CFAP54: variants seen among roughly 807,000 people sequenced by gnomAD.
The protein encoded by CFAP54 is cilia and flagella associated protein 54, also known as cilia- and flagella-associated protein 54.
Under a neutral mutation model 370.4 loss-of-function variants are expected in CFAP54, and 290 were observed. The observed-to-expected ratio is 0.78, with a 90% CI of 0.71 to 0.86. The LOEUF (loss-of-function observed/expected upper bound fraction) is 0.86. Among genes scored for constraint, CFAP54 ranks in the 40% least tolerant of loss-of-function variants. The pLI, the probability that CFAP54 is intolerant of heterozygous loss-of-function variation, is 0.00. For missense variants in CFAP54, 3,399 were observed against 3,528.7 expected (o/e 0.96, Z 0.93); for synonymous variants, 1,206 against 1,236.5 (o/e 0.98, Z 0.52).
chr12:96,789,144 G>C (rs1958658334), intron 62 of CFAP54, among the ~76,000 whole-genome samples: 1 of 152,136 alleles, frequency 6.6e-6, no homozygotes, highest in Admixed American at 6.5e-5. Context: ...CCTCATGTGG[G>C]GACAGGCTCC....
At chr12:96,828,478 C>T (rs1322660879) in intron 65 of CFAP54, among the ~76,000 whole-genome samples, 1 of 152,130 alleles carries the variant, frequency 6.6e-6, no homozygotes, top group African/African-American at 2.4e-5. Flanking sequence ...CTCATGCAGT[C>T]AATACTGATT....
intron 32 of CFAP54, among the ~76,000 whole-genome samples, chr12:96,632,506 A>G (rs1176078845): frequency 6.6e-6 from 1 of 151,982 alleles, no homozygotes; most frequent in African/African-American, 2.4e-5. Flanking sequence ...TTTATTGAGT[A>G]ATCTATTCTA....
Position 96,563,444 on chromosome 12 carries a change from C to A in CFAP54, c.2411-1024C>A, listed in dbSNP as rs368079633. On this transcript the variant is annotated intron_variant, in intron 17 of 67. Transcript: ENST00000524981. ...TGATGTCCATGACATAAATATGATG[C>A]ATCTGTATTTGGCATTCAGAATTTT... Among the ~76,000 whole-genome samples, 4 of 152,286 alleles carry A rather than the reference C, an allele frequency of 2.6e-5. No homozygotes were observed. The East Asian group carries it at 7.7e-4, about 29-fold the overall frequency.
intron 26 of CFAP54, among the ~76,000 whole-genome samples, chr12:96,620,271 A>G (rs1379169764): frequency 6.6e-6 from 1 of 152,188 alleles, no homozygotes; most frequent in African/African-American, 2.4e-5. Context: ...CTCATCTTGA[A>G]TTGTAGCTCC....
intron 19 of CFAP54, chr12:96,573,117 C>T: frequency 1.2e-6 from 1 of 830,160 alleles, no homozygotes; most frequent in Non-Finnish European, 1.5e-6. Context: ...TTACAGGCTC[C>T]AGACATAATC....
chr12:96,839,359 TA>T (rs1486109085), intron 66 of CFAP54, among the ~76,000 whole-genome samples: 3 of 152,230 alleles, frequency 2.0e-5, no homozygotes, highest in African/African-American at 7.2e-5. Flanking sequence ...ATTTAAGAGC[TA>T]TCCGATTTCA....
Position 96,538,367 on chromosome 12 carries a change from C to A in CFAP54, c.1792-17C>A, listed in dbSNP as rs1276813236. The A allele has an allele frequency of 2.6e-6, 4 of 1,526,040 alleles. No individual in the cohort carries two copies. In the South Asian group the frequency reaches 4.8e-5, roughly 18 times the overall value. 94.5% of individuals were successfully genotyped at this position (1,526,040 alleles called of 1,614,324 possible). A position where few individuals can be genotyped will look rare whatever the true frequency, so the allele number is the denominator to read the frequency against. The stretch of plus-strand genomic sequence containing the variant: ...TTTATTATTCCTACTCATTTACCTT[C>A]TCACTTTTGTTTTTAGGATGTTCAA... On this transcript the variant is annotated splice_polypyrimidine_tract_variant and intron_variant, in intron 12 of 67. Transcript: ENST00000524981.
intron 26 of CFAP54, among the ~76,000 whole-genome samples, chr12:96,616,165 A>G (rs182744716): frequency 6.6e-6 from 1 of 152,360 alleles, no homozygotes; most frequent in Admixed American, 6.5e-5. Flanking sequence ...CATATATACC[A>G]TGGAATACTA....
At chr12:96,853,557 A>G (rs1201110709) in intron 66 of CFAP54, among the ~76,000 whole-genome samples, 2 of 152,200 alleles carry the variant, frequency 1.3e-5, no homozygotes, top group African/African-American at 4.8e-5. Flanking sequence ...TTTACTTAAA[A>G]GAATTTTTAC....
At chr12:96,659,391 C>T (rs1956964522) in intron 38 of CFAP54, among the ~76,000 whole-genome samples, 1 of 152,094 alleles carries the variant, frequency 6.6e-6, no homozygotes, top group East Asian at 1.9e-4. Context: ...ACCTCAGCCT[C>T]CCAAAGTGCT....
intron 25 of CFAP54, among the ~76,000 whole-genome samples, chr12:96,595,356 G>T (rs1198066235): frequency 6.6e-6 from 1 of 152,092 alleles, no homozygotes; most frequent in East Asian, 1.9e-4. Context: ...ATGTACACCA[G>T]GGGGAAGAAT....
At chr12:96,549,712 C>T (rs1955675371) in intron 15 of CFAP54, among the ~76,000 whole-genome samples, 2 of 152,154 alleles carry the variant, frequency 1.3e-5, no homozygotes, top group South Asian at 2.1e-4. Context: ...AGTACCTATT[C>T]CACTGAGTTG....
In CFAP54 at chr12:96,626,732, ATGAC is replaced by A. The variant is rs995722792; in HGVS notation, c.3977-78_3977-75del. 10 of 767,504 alleles carry A rather than the reference ATGAC, an allele frequency of 1.3e-5. No homozygotes were observed. The African/African-American group carries it at 1.8e-4, about 14-fold the overall frequency. 47.5% of individuals were successfully genotyped at this position (767,504 alleles called of 1,614,324 possible). Reference sequence around the variant, plus strand: ...TAATAAACTTGCCTGTTGGAACAAAATGACTGCTAGCACTGGCAACCCTTTGGTA... The same window carrying A: ...TAATAAACTTGCCTGTTGGAACAAAATGCTAGCACTGGCAACCCTTTGGTA... On this transcript the variant is annotated intron_variant, in intron 29 of 67. Coordinates refer to ENST00000524981, the MANE Select transcript of CFAP54 (RefSeq NM_001306084.2).
intron 66 of CFAP54, among the ~76,000 whole-genome samples, chr12:96,836,158 G>A (rs1959185607): frequency 6.6e-6 from 1 of 152,156 alleles, no homozygotes. Context: ...GAGAAGCTGG[G>A]GAGTTCACCC....
chr12:96,668,398 C>T (rs1041143640), intron 39 of CFAP54, among the ~76,000 whole-genome samples: 59 of 152,136 alleles, frequency 3.9e-4, no homozygotes, highest in African/African-American at 1.3e-3. Context: ...CTCAGTTCCA[C>T]GAGGCCTCAC....
intron 7 of CFAP54, 48 bp from the exon 8 acceptor site, chr12:96,522,040 A>T (rs1050131138): frequency 1.3e-6 from 2 of 1,523,342 alleles, no homozygotes; most frequent in African/African-American, 2.8e-5. Context: ...AGTAGTTGGG[A>T]AGTGCATCTC....
At chr12:96,798,855 A>G (rs749095438) in intron 63 of CFAP54, among the ~76,000 whole-genome samples, 2 of 152,220 alleles carry the variant, frequency 1.3e-5, no homozygotes, top group African/African-American at 4.8e-5. Context: ...ATGTTTATCA[A>G]CAATATCTCC....
At chr12:96,693,902 G>A (rs1324076006) in intron 45 of CFAP54, 94 bp downstream of exon 45, 8 of 745,398 alleles carry the variant, frequency 1.1e-5, no homozygotes. Context: ...ATAACAAGCT[G>A]ATAATAACAT....
chr12:96,638,205 A>ATG (rs756775917), intron 32 of CFAP54, among the ~76,000 whole-genome samples: 6,387 of 122,516 alleles, frequency 0.052, 256 homozygotes, highest in African/African-American at 0.11. Flanking sequence ...ATATATATGC[A>ATG]TGTGTGTGTG....
Sources: gnomAD v4.1 joint callset for allele counts (sites outside exome capture counted in the v4.1 genomes callset) on GRCh38, gnomAD v4.1.1 for gene constraint, MANE v1.5 for transcripts, NCBI Gene and HGNC (gene_info 2026-07-23, HGNC 2026-07-21) for gene names.